Variants in MET observed in about 807,000 individuals in gnomAD.
MET encodes MET proto-oncogene, receptor tyrosine kinase.
In MET, 48 loss-of-function variants were observed where a neutral mutation model predicts 133.1. That is an observed-to-expected ratio of 0.36 (90% CI 0.29 to 0.46). MET has a LOEUF of 0.46. Among genes scored for constraint, MET ranks in the 20% least tolerant of loss-of-function variants. MET has a pLI of 1.00. For synonymous variants in MET, 628 were observed against 616.5 expected (o/e 1.02, Z -0.28); for missense variants, 1,442 against 1,695.9 (o/e 0.85, Z 2.63).
intron 1 of MET, among the ~76,000 whole-genome samples, chr7:116,677,423 C>T (rs2116452578): frequency 6.6e-6 from 1 of 152,344 alleles, no homozygotes; most frequent in Admixed American, 6.5e-5. Flanking sequence ...GATTGACAAA[C>T]TGCTTAGGAA....
chr7:116,769,623 T>G, intron 11 of MET, 22 bp from the exon 12 acceptor site: 1 of 475,240 alleles, frequency 2.1e-6, no homozygotes, highest in South Asian at 2.8e-5. Flanking sequence ...TTAACAACCT[T>G]TTTTTTTTTT....
chr7:116,735,772 G>A (rs889852846), intron 3 of MET, among the ~76,000 whole-genome samples: 3 of 139,066 alleles, frequency 2.2e-5, no homozygotes, highest in Non-Finnish European at 4.6e-5. Context: ...AAGAATGTTA[G>A]CTTTGGCTTT....
At chr7:116,749,741 G>A (rs1222786222) in intron 5 of MET, among the ~76,000 whole-genome samples, 1 of 152,288 alleles carries the variant, frequency 6.6e-6, no homozygotes, top group East Asian at 1.9e-4. Context: ...TCCTTAAGCT[G>A]ATAAGCAACT....
intron 2 of MET, among the ~76,000 whole-genome samples, chr7:116,712,165 T>C (rs1792026449): frequency 6.6e-6 from 1 of 152,206 alleles, no homozygotes; most frequent in South Asian, 2.1e-4. Flanking sequence ...TTGGTCCACT[T>C]CAGATTCCCT....
chr7:116,691,814 G>C (rs962587300), intron 1 of MET, among the ~76,000 whole-genome samples: 19 of 152,184 alleles, frequency 1.2e-4, no homozygotes, highest in African/African-American at 4.6e-4. Flanking sequence ...GTTTGGCCTT[G>C]CTTTGGCCAC....
intron 2 of MET, among the ~76,000 whole-genome samples, chr7:116,730,948 A>G (rs987496487): frequency 6.6e-6 from 1 of 152,176 alleles, no homozygotes; most frequent in African/African-American, 2.4e-5. Flanking sequence ...GACAAATTCT[A>G]AAAGAAATAT....
chr7:116,792,051 A>G (rs961820546), intron 19 of MET, among the ~76,000 whole-genome samples: 13 of 151,902 alleles, frequency 8.6e-5, no homozygotes, highest in South Asian at 2.1e-4. Context: ...TGAAAATTTT[A>G]TCAGTTTACC....
In MET at chr7:116,715,050, T is replaced by C. The variant is rs143084294; in HGVS notation, c.1200+14766T>C. On this transcript the variant is annotated intron_variant, in intron 2 of 20. Transcript: ENST00000397752. Reference sequence around the variant, plus strand: ...TGTCTTCATAGGCATTATGAGGGCTTACTAGACCAACAATAGTGATAATAA... The same window carrying C: ...TGTCTTCATAGGCATTATGAGGGCTCACTAGACCAACAATAGTGATAATAA... 1.7e-3 allele frequency among the ~76,000 whole-genome samples: 254 copies of C among 152,330 alleles called. 2 individuals carry two copies. The highest frequency in any genetic ancestry group is 5.8e-3 in the African/African-American group (242 of 41,572).
At chr7:116,716,219 C>T (rs1164616242) in intron 2 of MET, among the ~76,000 whole-genome samples, 1 of 147,638 alleles carries the variant, frequency 6.8e-6, no homozygotes, top group African/African-American at 2.5e-5. Context: ...TGCCACTGCA[C>T]TGCCGCCTGG....
chr7:116,764,158 A>C (rs1794520923), intron 11 of MET, among the ~76,000 whole-genome samples: 1 of 152,116 alleles, frequency 6.6e-6, no homozygotes, highest in Admixed American at 6.6e-5. Flanking sequence ...TTTCCATTGA[A>C]ATTTTTCTGA....
intron 10 of MET, 108 bp downstream of exon 10, chr7:116,759,598 G>A (rs1345681864): frequency 1.6e-6 from 2 of 1,281,856 alleles, no homozygotes; most frequent in Non-Finnish European, 2.2e-6. Context: ...AGGTTTGCTA[G>A]TTAATTTCCT....
intron 2 of MET, among the ~76,000 whole-genome samples, chr7:116,728,671 C>A (rs948245874): frequency 6.6e-6 from 1 of 152,148 alleles, no homozygotes; most frequent in African/African-American, 2.4e-5. Context: ...TGCAGATGCA[C>A]TAATTTTTCA....
chr7:116,716,328 A>G (rs1410805066), intron 2 of MET, among the ~76,000 whole-genome samples: 20 of 137,758 alleles, frequency 1.5e-4, no homozygotes, highest in East Asian at 2.1e-4. Context: ...AGAGAGAGAG[A>G]GAGAGAGAGA....
intron 19 of MET, among the ~76,000 whole-genome samples, chr7:116,788,607 G>A (rs993846364): frequency 6.6e-6 from 1 of 152,162 alleles, no homozygotes; most frequent in Non-Finnish European, 1.5e-5. Context: ...CACTCTCATC[G>A]AAAGACACTA....
At chr7:116,677,154 C>T (rs1397140271) in intron 1 of MET, among the ~76,000 whole-genome samples, 1 of 151,982 alleles carries the variant, frequency 6.6e-6, no homozygotes, top group Admixed American at 6.6e-5. Flanking sequence ...GAGAAGGATA[C>T]CCATGGCTTT....
chr7:116,752,946 T>G (rs1048230704), intron 5 of MET, among the ~76,000 whole-genome samples: 6 of 152,174 alleles, frequency 3.9e-5, no homozygotes, highest in African/African-American at 1.4e-4. Context: ...GAGGGTTGGA[T>G]GTCTTGTTCT....
chr7:116,746,210 C>T (rs1793674656), intron 5 of MET, among the ~76,000 whole-genome samples: 1 of 152,182 alleles, frequency 6.6e-6, no homozygotes, highest in African/African-American at 2.4e-5. Flanking sequence ...CAGAGAAATG[C>T]AAATCAAAAC....
At position 116,758,536 on chromosome 7, in the gene MET, A is replaced by C. The variant is rs767770443; in HGVS notation, c.2180A>C (p.Asp727Ala). The change falls in exon 9 of 21, where the codon GAC becomes GCC. Residue 727 changes from aspartate (D) to alanine (A), a missense_variant. Transcript: ENST00000397752. ...STEFAVKLKI[D>A]LANRETSIFS... ...GAGTTTGCTGTTAAATTGAAAATTG[A>C]CTTAGCCAACCGAGAGACAAGCATC... 1 of 1,613,950 alleles carries C rather than the reference A, an allele frequency of 6.2e-7. No individual in the cohort carries two copies. The highest frequency in any genetic ancestry group is 8.5e-7 in the Non-Finnish European group (1 of 1,179,920).
chr7:116,681,855 A>T (rs1796372270), intron 1 of MET, among the ~76,000 whole-genome samples: 1 of 152,018 alleles, frequency 6.6e-6, no homozygotes. Context: ...TACCTTAGCT[A>T]TTGTTGTTTT....
Sources: gnomAD v4.1 joint callset for allele counts (sites outside exome capture counted in the v4.1 genomes callset) on GRCh38, gnomAD v4.1.1 for gene constraint, MANE v1.5 for transcripts, NCBI Gene and HGNC (gene_info 2026-07-23, HGNC 2026-07-21) for gene names.